GRIN2A: variants seen among roughly 807,000 people sequenced by gnomAD.
GRIN2A encodes glutamate ionotropic receptor NMDA type subunit 2A, also known as glutamate receptor ionotropic, NMDA 2A.
Under a neutral mutation model 113.4 loss-of-function variants are expected in GRIN2A, and 22 were observed. The ratio of observed to expected loss-of-function variants is 0.19; its 90% CI spans 0.14 to 0.28. The LOEUF (loss-of-function observed/expected upper bound fraction) is 0.28. Among genes scored for constraint, GRIN2A ranks in the 10% least tolerant of loss-of-function variants. The pLI, the probability that GRIN2A is intolerant of heterozygous loss-of-function variation, is 1.00. For missense variants in GRIN2A, 1,502 were observed against 1,887.0 expected, an observed-to-expected ratio of 0.80 and a Z score of 3.78; for synonymous variants, 827 against 738.4, an observed-to-expected ratio of 1.12 and a Z score of -1.94.
At position 10,180,471 on chromosome 16, in the gene GRIN2A, G is replaced by A. The variant is rs1315300929; in HGVS notation, c.-18-42C>T. 3 of 1,563,664 alleles carry A rather than the reference G, an allele frequency of 1.9e-6. No homozygotes were observed. Among genetic ancestry groups the A allele is most frequent in the Non-Finnish European group, 2.6e-6 (3 of 1,160,898 alleles). ...GAGAGGCAGGGCCGCGGTGAGCAAG[G>A]CGACCAGAAGAAAGGGATTACCAAC... is the stretch of plus-strand genomic sequence containing the variant. On this transcript the variant is annotated intron_variant, in intron 1 of 12. Transcript: ENST00000330684. The surrounding 1 kb of genome is among the most constrained non-coding windows in gnomAD (Gnocchi z 7.0).
chr16:9,782,952 C>T (rs983587772), intron 11 of GRIN2A, among the ~76,000 whole-genome samples: 3 of 152,116 alleles, frequency 2.0e-5, no homozygotes, highest in Non-Finnish European at 4.4e-5. Context: ...CAGTTAAGTC[C>T]TTTATTGCTA....
chr16:10,136,044 C>T (rs2049184504), intron 2 of GRIN2A, among the ~76,000 whole-genome samples: 1 of 152,168 alleles, frequency 6.6e-6, no homozygotes, highest in Admixed American at 6.5e-5. Context: ...CAGATAAGCA[C>T]ATGTAAGTTA....
chr16:9,831,396 C>T (rs908333958), intron 8 of GRIN2A, among the ~76,000 whole-genome samples: 4 of 152,232 alleles, frequency 2.6e-5, no homozygotes, highest in Non-Finnish European at 2.9e-5. Flanking sequence ...CTGCCCTCCC[C>T]GTCCCCGCTT....
chr16:9,886,626 T>C (rs1052017823), intron 4 of GRIN2A, among the ~76,000 whole-genome samples: 1 of 152,168 alleles, frequency 6.6e-6, no homozygotes, highest in Admixed American at 6.5e-5. Context: ...ATTTTTTCTC[T>C]TGTTTATGAT....
intron 4 of GRIN2A, among the ~76,000 whole-genome samples, chr16:9,865,227 G>A (rs1005893983): frequency 4.6e-5 from 7 of 152,188 alleles, no homozygotes; most frequent in Non-Finnish European, 8.8e-5. Flanking sequence ...TGGGGGAAGA[G>A]GAGGGTTCCC....
intron 2 of GRIN2A, among the ~76,000 whole-genome samples, chr16:10,030,488 C>A (rs942552743): frequency 6.6e-6 from 1 of 152,158 alleles, no homozygotes; most frequent in African/African-American, 2.4e-5. Flanking sequence ...TGGTCTCCTG[C>A]CTGCACTTAC....
At chr16:9,805,285 TG>T (rs1314356048) in intron 10 of GRIN2A, among the ~76,000 whole-genome samples, 1 of 152,214 alleles carries the variant, frequency 6.6e-6, no homozygotes, top group Non-Finnish European at 1.5e-5. Flanking sequence ...AGATGCTCTC[TG>T]GGGGTCTCAG....
chr16:9,828,683 T>C (rs954293223), intron 9 of GRIN2A, among the ~76,000 whole-genome samples: 1 of 152,166 alleles, frequency 6.6e-6, no homozygotes, highest in Non-Finnish European at 1.5e-5. Context: ...TGTTTCTGAA[T>C]AGCTACTCAA....
At chr16:10,061,643 T>C (rs1390542382) in intron 2 of GRIN2A, among the ~76,000 whole-genome samples, 1 of 152,210 alleles carries the variant, frequency 6.6e-6, no homozygotes, top group Admixed American at 6.5e-5. Context: ...TGATATTATA[T>C]ATGTCATTAT....
intron 4 of GRIN2A, among the ~76,000 whole-genome samples, chr16:9,884,224 T>C (rs1188685443): frequency 6.6e-6 from 1 of 152,224 alleles, no homozygotes; most frequent in East Asian, 1.9e-4. Flanking sequence ...TATATAGGTG[T>C]ATGCATAAAC....
chr16:10,143,979 T>C (rs1482793800), intron 2 of GRIN2A, among the ~76,000 whole-genome samples: 1 of 152,072 alleles, frequency 6.6e-6, no homozygotes, highest in Non-Finnish European at 1.5e-5. Context: ...AAAAAATTTT[T>C]TTTTTAAATA....
chr16:10,086,950 G>C (rs2048097264), intron 2 of GRIN2A, among the ~76,000 whole-genome samples: 1 of 152,222 alleles, frequency 6.6e-6, no homozygotes, highest in Non-Finnish European at 1.5e-5. Context: ...TAGGGACATG[G>C]TTTTCTCTTG....
chr16:10,016,200 G>A (rs1567235704), intron 2 of GRIN2A, among the ~76,000 whole-genome samples: 2 of 151,542 alleles, frequency 1.3e-5, no homozygotes, highest in Non-Finnish European at 2.9e-5. Context: ...GCAGAGAAGA[G>A]GCCCCCTAAT....
chr16:9,817,186 T>G lies in GRIN2A; in HGVS notation c.2168+5078A>C, dbSNP rs184507903. ...TGTATATGCCTATCCCAATAAAATG[T>G]GTTTCTTCAACTCCTTTAAAATAGT... is the stretch of plus-strand genomic sequence containing the variant. On this transcript the variant is annotated intron_variant, in intron 10 of 12. Coordinates refer to ENST00000330684, the MANE Select transcript of GRIN2A (RefSeq NM_001134407.3). Among the ~76,000 whole-genome samples the G allele has an allele frequency of 1.9e-3, 286 of 152,352 alleles. 2 individuals are homozygous for G. Among genetic ancestry groups the G allele is most frequent in the African/African-American group, 6.6e-3 (273 of 41,582 alleles).
chr16:10,073,332 C>G (rs2047797787), intron 2 of GRIN2A, among the ~76,000 whole-genome samples: 1 of 152,060 alleles, frequency 6.6e-6, no homozygotes, highest in Admixed American at 6.5e-5. Flanking sequence ...CCATGGAAGA[C>G]AGAAAAATCA....
Position 10,180,172 on chromosome 16 carries a change from C to G in GRIN2A, c.240G>C (p.Lys80Asn), listed in dbSNP as rs748169341. The G allele has an allele frequency of 6.2e-7, 1 of 1,614,228 alleles. No homozygotes were observed. Among genetic ancestry groups the G allele is most frequent in the South Asian group, 1.1e-5 (1 of 91,092 alleles). Residue 80 changes from lysine (K) to asparagine (N), a missense_variant, in exon 2 of 13, where the codon AAG (lysine) becomes AAC (asparagine). By Grantham distance (94) the Lys-to-Asn change is moderately conservative. Transcript: ENST00000330684. The surrounding 1 kb of genome is among the most constrained non-coding windows in gnomAD (Gnocchi z 7.0). ...VALLMNRTDP[K>N]SLITHVCDLM... ...GGTCGCACACGTGCGTGATGAGGCT[C>G]TTGGGGTCGGTGCGGTTCATCAGCA...
intron 10 of GRIN2A, among the ~76,000 whole-genome samples, chr16:9,799,020 C>A (rs769337144): frequency 2.6e-5 from 4 of 152,204 alleles, no homozygotes; most frequent in Non-Finnish European, 5.9e-5. Flanking sequence ...AACTCAGATT[C>A]AACCTTTGTT....
At chr16:9,965,510 C>T (rs1484544709) in intron 2 of GRIN2A, among the ~76,000 whole-genome samples, 2 of 152,134 alleles carry the variant, frequency 1.3e-5, no homozygotes, top group Non-Finnish European at 2.9e-5. Context: ...TCTACCTCCC[C>T]TATTTTAAGC....
intron 2 of GRIN2A, among the ~76,000 whole-genome samples, chr16:10,158,355 G>A (rs1596563007): frequency 1.3e-5 from 2 of 152,220 alleles, no homozygotes; most frequent in East Asian, 3.9e-4. Flanking sequence ...GGGAGTAGGG[G>A]GATATCTATC....
Sources: allele counts gnomAD v4.1 joint callset (sites outside exome capture counted in the v4.1 genomes callset), GRCh38; gene constraint gnomAD v4.1.1; non-coding constraint Gnocchi (gnomAD v3.1); transcripts MANE v1.5; gene names NCBI Gene and HGNC (gene_info 2026-07-23, HGNC 2026-07-21).